CCDC60: variants seen among roughly 807,000 people sequenced by gnomAD.
CCDC60 encodes coiled-coil domain containing 60.
A neutral mutation model predicts 63.5 loss-of-function variants in CCDC60; 54 were observed. The observed-to-expected ratio is 0.85, with a 90% CI of 0.68 to 1.07. CCDC60 has a LOEUF of 1.07. Among genes scored for constraint, CCDC60 ranks in the 50% least tolerant of loss-of-function variants. The pLI, the probability that CCDC60 is intolerant of heterozygous loss-of-function variation, is 0.00. For missense variants in CCDC60, 651 were observed against 684.3 expected, an observed-to-expected ratio of 0.95 and a Z score of 0.54; for synonymous variants, 206 against 238.8, an observed-to-expected ratio of 0.86 and a Z score of 1.27.
intron 2 of CCDC60, among the ~76,000 whole-genome samples, chr12:119,439,918 G>T (rs979541006): frequency 1.3e-5 from 2 of 152,190 alleles, no homozygotes; most frequent in Non-Finnish European, 2.9e-5. Context: ...TAACTACAGG[G>T]ACATGGAAGA....
chr12:119,540,752 G>A lies in CCDC60; in HGVS notation c.*37G>A. Reference sequence around the variant, plus strand: ...GTTGACCAGCTGTCTCAGTGGAGGAGTGTTTGCCTATATCATGTTCCTGTA... The same window carrying A: ...GTTGACCAGCTGTCTCAGTGGAGGAATGTTTGCCTATATCATGTTCCTGTA... On this transcript the variant is annotated 3_prime_UTR_variant, in exon 14 of 14. Coordinates refer to ENST00000327554, the MANE Select transcript of CCDC60 (RefSeq NM_178499.5). 1.4e-6 allele frequency: 2 copies of A among 1,414,566 alleles called. No individual in the cohort carries two copies. The highest frequency in any genetic ancestry group is 2.8e-5 in the African/African-American group (2 of 70,968). The allele number at this position is 1,414,566 out of a possible 1,614,324, so 87.6% of individuals were successfully genotyped here. A position where few individuals can be genotyped will look rare whatever the true frequency, so the allele number is the denominator to read the frequency against.
rs536900537 is a variant in CCDC60, at chr12:119,447,407, CAGA to C, written c.170+18650_170+18652del. 2.2e-4 allele frequency among the ~76,000 whole-genome samples: 33 copies of C among 152,278 alleles called. No individual in the cohort carries two copies. The South Asian group carries it at 5.8e-3, about 27-fold the overall frequency. On this transcript the variant is annotated intron_variant, in intron 2 of 13. Transcript: ENST00000327554. ...CGAGCAGTCCCTGCCATCAATCAGG[CAGA>C]AGAACACCGATCGAACCATCACAGG...
At position 119,482,897 on chromosome 12, in the gene CCDC60, G is replaced by A. The variant is rs529448177; in HGVS notation, c.449+3696G>A. ...GGTTGGTGGCCAGGGTGACATGGGTGAGATGCTGAATGTCTCTCAATACCC... is the reference window on the plus strand; with the variant it reads ...GGTTGGTGGCCAGGGTGACATGGGTAAGATGCTGAATGTCTCTCAATACCC... On this transcript the variant is annotated intron_variant, in intron 4 of 13. Coordinates refer to ENST00000327554, the MANE Select transcript of CCDC60 (RefSeq NM_178499.5). Among the ~76,000 whole-genome samples the A allele has an allele frequency of 8.5e-5, 13 of 152,238 alleles. No individual in the cohort carries two copies. In the South Asian group the frequency reaches 2.5e-3, roughly 29 times the overall value.
At chr12:119,424,507 G>A (rs944005142) in intron 1 of CCDC60, among the ~76,000 whole-genome samples, 8 of 152,168 alleles carry the variant, frequency 5.3e-5, no homozygotes, top group African/African-American at 1.4e-4. Context: ...TCATCCTGGC[G>A]ACATAATTTC....
At position 119,531,065 on chromosome 12, in the gene CCDC60, T is replaced by C; in HGVS notation, c.1551+2T>C. The C allele has an allele frequency of 6.2e-7, 1 of 1,612,524 alleles. No homozygotes were observed. ...CCTGACATCGCTGTGGCTATTGAGG[T>C]AAACACCACCTCCTTCCCCTCCACA... On this transcript the variant is annotated splice_donor_variant, in intron 13 of 13. Coordinates refer to ENST00000327554, the MANE Select transcript of CCDC60 (RefSeq NM_178499.5). LOFTEE classifies it high-confidence loss of function.
chr12:119,498,664 C>T (rs926455718), intron 5 of CCDC60, among the ~76,000 whole-genome samples: 2 of 152,094 alleles, frequency 1.3e-5, no homozygotes, highest in East Asian at 1.9e-4. Flanking sequence ...CTCTGCTAGG[C>T]GAGAGCTAGA....
chr12:119,505,119 C>A lies in CCDC60; in HGVS notation c.699C>A (p.Ser233Arg). ...TGCGAGTCACCAACCGCAAACCAAGCCGGCGAGGCTCCACACTCAGTCTGA... is the reference window on the plus strand; with the variant it reads ...TGCGAGTCACCAACCGCAAACCAAGACGGCGAGGCTCCACACTCAGTCTGA... ...PTMRVTNRKPSRRGSTLSLSR... is the reference protein window; with the variant it reads ...PTMRVTNRKPRRRGSTLSLSR... The change falls in exon 7 of 14, where the codon AGC becomes AGA. Residue 233 changes from serine (S) to arginine (R), a missense_variant. By Grantham distance (110) the Ser-to-Arg change is moderately radical (BLOSUM62 -1). Transcript: ENST00000327554. 1 of 1,612,216 alleles carries A rather than the reference C, an allele frequency of 6.2e-7. No homozygotes were observed. The highest frequency in any genetic ancestry group is 1.7e-4 in the Middle Eastern group (1 of 6,046).
At chr12:119,397,992 G>A (rs1240120779) in intron 1 of CCDC60, among the ~76,000 whole-genome samples, 1 of 35,556 alleles carries the variant, frequency 2.8e-5, no homozygotes, top group Admixed American at 2.5e-4. Context: ...GGAGGAAGGG[G>A]CGGTGTGGGG....
intron 1 of CCDC60, among the ~76,000 whole-genome samples, chr12:119,405,239 C>T (rs1565990726): frequency 1.3e-5 from 2 of 152,200 alleles, no homozygotes; most frequent in Admixed American, 6.5e-5. Flanking sequence ...GGTTTCTCAG[C>T]GACTTGATCC....
chr12:119,423,540 G>A (rs763813910), intron 1 of CCDC60, among the ~76,000 whole-genome samples: 1 of 152,112 alleles, frequency 6.6e-6, no homozygotes, highest in Non-Finnish European at 1.5e-5. Flanking sequence ...CAGAAGCCAG[G>A]GCATTTCATC....
At chr12:119,529,779 G>C (rs564278438) in intron 12 of CCDC60, among the ~76,000 whole-genome samples, 79 of 152,242 alleles carry the variant, frequency 5.2e-4, no homozygotes, top group South Asian at 1.9e-3. Flanking sequence ...AGGGAATTTG[G>C]GGGGAGGAGG....
intron 13 of CCDC60, among the ~76,000 whole-genome samples, chr12:119,535,112 C>CAG (rs1952965323): frequency 6.6e-6 from 1 of 151,894 alleles, no homozygotes; most frequent in African/African-American, 2.4e-5. Context: ...TCAGTCTATT[C>CAG]AGATTCAATT....
At position 119,335,198 on chromosome 12, in the gene CCDC60, A is replaced by G; in HGVS notation, c.22A>G (p.Lys8Glu). ...TAAGATGACCAAGGTTCCAGCCACC[A>G]AGAAGCTTCAGAGTTCCCCCAACTC... MTKVPAT[K>E]KLQSSPNSGA... The change falls in exon 1 of 14, where the codon AAG (lysine) becomes GAG (glutamate). Residue 8 changes from lysine (K) to glutamate (E), a missense_variant. By Grantham distance (56) the Lys-to-Glu change is moderately conservative. Transcript: ENST00000327554. The G allele has an allele frequency of 6.2e-7, 1 of 1,607,358 alleles. No homozygotes were observed. Among genetic ancestry groups the G allele is most frequent in the South Asian group, 1.1e-5 (1 of 89,336 alleles).
chr12:119,455,991 GAGAGAGAA>G (rs1258449558), intron 2 of CCDC60, among the ~76,000 whole-genome samples: 9 of 43,746 alleles, frequency 2.1e-4, no homozygotes, highest in South Asian at 1.3e-3. Flanking sequence ...GAGAGAAAGA[GAGAGAGAA>G]AGAGAAAGAA....
At position 119,514,979 on chromosome 12, in the gene CCDC60, A is replaced by G. The variant is rs144697856; in HGVS notation, c.884-1644A>G. Among the ~76,000 whole-genome samples the G allele has an allele frequency of 6.1e-3, 933 of 152,360 alleles. 9 individuals are homozygous for G. Among genetic ancestry groups the G allele is most frequent in the Non-Finnish European group, 9.2e-3 (629 of 68,034 alleles). The stretch of plus-strand genomic sequence containing the variant: ...TGCCTTCAGTATTCAGTACAGTAAC[A>G]TGCTGTACAGGTTTGTGGCCTGGGA... On this transcript the variant is annotated intron_variant, in intron 7 of 13. Transcript: ENST00000327554.
At chr12:119,425,403 GA>G (rs1254230514) in intron 1 of CCDC60, among the ~76,000 whole-genome samples, 1 of 152,130 alleles carries the variant, frequency 6.6e-6, no homozygotes, top group East Asian at 1.9e-4. Context: ...GCAGTGTTGG[GA>G]AAAGAAAAAG....
At chr12:119,522,625 G>A (rs749771686) in intron 9 of CCDC60, among the ~76,000 whole-genome samples, 10 of 152,144 alleles carry the variant, frequency 6.6e-5, no homozygotes, top group Non-Finnish European at 1.0e-4. Flanking sequence ...ACGTAATCCC[G>A]ACAATATGCA....
intron 1 of CCDC60, among the ~76,000 whole-genome samples, chr12:119,377,254 C>CAAAAAAAAAAAAAAAA (rs60100165): frequency 8.4e-5 from 4 of 47,438 alleles, no homozygotes; most frequent in Non-Finnish European, 1.1e-4. Context: ...CACTCCATCT[C>CAAAAAAAAAAAAAAAA]AAAAAAAAAA....
chr12:119,522,972 C>T lies in CCDC60; in HGVS notation c.1074C>T (p.His358=). 6.2e-7 allele frequency: 1 copy of T among 1,614,194 alleles called. No homozygotes were observed. Among genetic ancestry groups the T allele is most frequent in the Non-Finnish European group, 8.5e-7 (1 of 1,180,016 alleles). Residue 358 remains histidine (H), a synonymous_variant, in exon 10 of 14, where the codon CAC becomes CAT. Coordinates refer to ENST00000327554, the MANE Select transcript of CCDC60 (RefSeq NM_178499.5). The part of the protein sequence containing the change: ...ERSSSTSAES[H]IQPVQKKSKN... ...CCAGCAGTACAAGTGCAGAAAGCCA[C>T]ATCCAACCAGTCCAGAAGAAGTCTA...
Sources: allele counts gnomAD v4.1 joint callset (sites outside exome capture counted in the v4.1 genomes callset), GRCh38; gene constraint gnomAD v4.1.1; transcripts MANE v1.5; gene names NCBI Gene and HGNC (gene_info 2026-07-23, HGNC 2026-07-21).